The following TCF7L1 variants were observed in gnomAD, a reference collection of about 807,000 sequenced individuals.
TCF7L1 encodes transcription factor 7-like 1.
TCF7L1 carries 18 observed loss-of-function variants against 63.7 expected under a neutral mutation model. That is an observed-to-expected ratio of 0.28 (90% CI 0.20 to 0.42). The LOEUF (loss-of-function observed/expected upper bound fraction) is 0.42. Among genes scored for constraint, TCF7L1 ranks in the 10% least tolerant of loss-of-function variants. The pLI is 1.00. For synonymous variants in TCF7L1, 355 were observed against 340.9 expected, an observed-to-expected ratio of 1.04 and a Z score of -0.46; for missense variants, 654 against 779.3, an observed-to-expected ratio of 0.84 and a Z score of 1.91.
intron 3 of TCF7L1, among the ~76,000 whole-genome samples, chr2:85,173,830 G>A (rs1374801626): frequency 1.3e-5 from 2 of 151,918 alleles, no homozygotes; most frequent in African/African-American, 2.4e-5. Context: ...TCTGCCTCTT[G>A]GGTTTAAGCG....
At chr2:85,149,440 T>G (rs1239438339) in intron 3 of TCF7L1, among the ~76,000 whole-genome samples, 1 of 152,130 alleles carries the variant, frequency 6.6e-6, no homozygotes, top group Non-Finnish European at 1.5e-5. Context: ...ATTTTAACTT[T>G]TAATTTTATA....
intron 3 of TCF7L1, among the ~76,000 whole-genome samples, chr2:85,248,927 C>T (rs1472900900): frequency 1.3e-5 from 2 of 152,074 alleles, no homozygotes; most frequent in Non-Finnish European, 2.9e-5. Context: ...CCCGTGCCTC[C>T]TCCCAGACTC....
chr2:85,309,992 C>T lies in TCF7L1; in HGVS notation c.*530C>T, dbSNP rs1468385635. 6.5e-6 allele frequency: 1 copy of T among 152,984 alleles called. No individual in the cohort carries two copies. The highest frequency in any genetic ancestry group is 6.5e-5 in the Admixed American group (1 of 15,294). The allele number at this position is 152,984 out of a possible 1,614,324, so 9.5% of individuals were successfully genotyped here. ...GGCCTGATTTGCTGCCACCAGCGTC[C>T]CCTCCCTCAGTGGGCCCGAACTCGC... On this transcript the variant is annotated 3_prime_UTR_variant, in exon 12 of 12. Transcript: ENST00000282111.
intron 3 of TCF7L1, among the ~76,000 whole-genome samples, chr2:85,265,943 A>G (rs1159209031): frequency 1.3e-5 from 2 of 152,214 alleles, no homozygotes; most frequent in African/African-American, 4.8e-5. Context: ...CTTAGTGTAT[A>G]TTCTTCCAGA....
intron 8 of TCF7L1, among the ~76,000 whole-genome samples, chr2:85,305,742 C>T (rs1480652607): frequency 2.0e-5 from 3 of 152,150 alleles, no homozygotes; most frequent in Non-Finnish European, 4.4e-5. Context: ...TTCTTAAGGA[C>T]TTGTGGTGGG....
intron 5 of TCF7L1, 37 bp from the exon 6 acceptor site, chr2:85,303,858 C>A (rs765864616): frequency 6.8e-5 from 102 of 1,495,060 alleles, no homozygotes; most frequent in Middle Eastern, 3.5e-4. Context: ...TCTGGCAGGG[C>A]GAGGGAACAG....
rs1573031364 is a variant in TCF7L1 at position 85,297,032 on chromosome 2, G to A, written c.526-5452G>A. Among the ~76,000 whole-genome samples, 3 of 152,148 alleles carry A rather than the reference G, an allele frequency of 2.0e-5. No individual in the cohort carries two copies. In the South Asian group the frequency reaches 6.2e-4, roughly 32 times the overall value. ...GTTCAAATTGCAAGGGTTTAGAAAT[G>A]TTTTCCTTCAAGCACCCATGCAGAA... On this transcript the variant is annotated intron_variant, in intron 4 of 11. Coordinates refer to ENST00000282111, the MANE Select transcript of TCF7L1 (RefSeq NM_031283.3).
At chr2:85,187,865 G>A (rs961918090) in intron 3 of TCF7L1, among the ~76,000 whole-genome samples, 1 of 152,120 alleles carries the variant, frequency 6.6e-6, no homozygotes, top group Non-Finnish European at 1.5e-5. Context: ...ATTCAAAATA[G>A]CCTCAATCTG....
At chr2:85,242,912 T>TTTTCC (rs756489903) in intron 3 of TCF7L1, among the ~76,000 whole-genome samples, 12 of 152,210 alleles carry the variant, frequency 7.9e-5, no homozygotes, top group Non-Finnish European at 1.8e-4. Flanking sequence ...AAAGGGCATG[T>TTTTCC]TTTCCTTTCC....
At chr2:85,153,461 C>A (rs1358046665) in intron 3 of TCF7L1, among the ~76,000 whole-genome samples, 1 of 151,036 alleles carries the variant, frequency 6.6e-6, no homozygotes, top group Admixed American at 6.6e-5. Flanking sequence ...CCTGCCTCAG[C>A]CTCCCAAGTA....
At chr2:85,278,042 A>T (rs1681318733) in intron 3 of TCF7L1, among the ~76,000 whole-genome samples, 1 of 152,144 alleles carries the variant, frequency 6.6e-6, no homozygotes, top group African/African-American at 2.4e-5. Flanking sequence ...GTTTTACATC[A>T]CGAAGATTTG....
At position 85,280,882 on chromosome 2, in the gene TCF7L1, A is replaced by G. The variant is rs557727319; in HGVS notation, c.442-2613A>G. On this transcript the variant is annotated intron_variant, in intron 3 of 11. Transcript: ENST00000282111. The stretch of plus-strand genomic sequence containing the variant: ...GAAGGCTGCGGGTGGAGAGTTGAGG[A>G]AGACAGTCTTAGGAAAAGCTTCGTG... Among the ~76,000 whole-genome samples the G allele has an allele frequency of 2.6e-5, 4 of 152,256 alleles. No individual in the cohort carries two copies. The South Asian group carries it at 8.3e-4, about 32-fold the overall frequency.
chr2:85,288,502 A>G (rs974590904), intron 4 of TCF7L1, among the ~76,000 whole-genome samples: 2 of 152,160 alleles, frequency 1.3e-5, no homozygotes, highest in African/African-American at 2.4e-5. Flanking sequence ...TTGTTAAAAT[A>G]CTTGAGATTA....
chr2:85,235,593 G>T (rs747343784), intron 3 of TCF7L1, among the ~76,000 whole-genome samples: 17 of 152,016 alleles, frequency 1.1e-4, no homozygotes, highest in Non-Finnish European at 1.8e-4. Flanking sequence ...CAGAAGCCTC[G>T]CGGAGCTCAA....
intron 3 of TCF7L1, among the ~76,000 whole-genome samples, chr2:85,158,273 G>A (rs749842723): frequency 1.3e-5 from 2 of 152,070 alleles, no homozygotes; most frequent in Non-Finnish European, 2.9e-5. Flanking sequence ...TTAACTTCCC[G>A]TGCCCACCAG....
At chr2:85,207,446 T>C (rs57783218) in intron 3 of TCF7L1, among the ~76,000 whole-genome samples, 7,011 of 152,224 alleles carry the variant, frequency 0.046, 179 homozygotes, top group Middle Eastern at 0.054. Flanking sequence ...GGCACTTATC[T>C]GAAACATAGC....
intron 3 of TCF7L1, among the ~76,000 whole-genome samples, chr2:85,275,954 C>G (rs995240971): frequency 1.3e-4 from 19 of 146,738 alleles, no homozygotes; most frequent in Middle Eastern, 3.5e-3. Flanking sequence ...AAGAAAGAAT[C>G]TAACCTACCC....
At chr2:85,245,541 G>A (rs1307077661) in intron 3 of TCF7L1, among the ~76,000 whole-genome samples, 3 of 152,002 alleles carry the variant, frequency 2.0e-5, no homozygotes, top group Non-Finnish European at 4.4e-5. Context: ...GGCCAGGCAC[G>A]GTGGCTCACA....
At chr2:85,286,212 C>T (rs763049648) in intron 4 of TCF7L1, among the ~76,000 whole-genome samples, 48 of 140,292 alleles carry the variant, frequency 3.4e-4, no homozygotes, top group East Asian at 8.6e-4. Flanking sequence ...AAAAAAAAAT[C>T]GGCGTGGTGG....
Sources: allele counts gnomAD v4.1 joint callset (sites outside exome capture counted in the v4.1 genomes callset), GRCh38; gene constraint gnomAD v4.1.1; transcripts MANE v1.5; gene names NCBI Gene and HGNC (gene_info 2026-07-23, HGNC 2026-07-21).